Variants in PLEKHO2 observed in about 807,000 individuals in gnomAD.
PLEKHO2 encodes pleckstrin homology domain containing O2.
PLEKHO2 carries 20 observed loss-of-function variants against 32.7 expected under a neutral mutation model. The observed-to-expected ratio is 0.61, with a 90% CI of 0.43 to 0.89. The LOEUF is 0.89. Among genes scored for constraint, PLEKHO2 ranks in the 40% least tolerant of loss-of-function variants. PLEKHO2 has a pLI of 0.00. For synonymous variants in PLEKHO2, 247 were observed against 246.3 expected (o/e 1.00, Z -0.03); for missense variants, 568 against 621.2 (o/e 0.91, Z 0.91).
chr15:64,849,553 C>T (rs1460786145), intron 2 of PLEKHO2, among the ~76,000 whole-genome samples: 2 of 151,878 alleles, frequency 1.3e-5, no homozygotes, highest in Non-Finnish European at 1.5e-5. Flanking sequence ...AAACAATTCT[C>T]CTGCCTCAGC....
chr15:64,855,198 C>T (rs1457707334), intron 3 of PLEKHO2, among the ~76,000 whole-genome samples, 161 bp downstream of exon 3: 1 of 152,168 alleles, frequency 6.6e-6, no homozygotes, highest in African/African-American at 2.4e-5. Flanking sequence ...GACCTTTGCT[C>T]ATTTTGTCTC....
At chr15:64,852,070 G>A (rs2084573644) in intron 2 of PLEKHO2, among the ~76,000 whole-genome samples, 1 of 152,138 alleles carries the variant, frequency 6.6e-6, no homozygotes, top group Non-Finnish European at 1.5e-5. Context: ...CACAGAGAAT[G>A]GGGTAGAGAA....
chr15:64,850,710 C>G (rs1046103470), intron 2 of PLEKHO2, among the ~76,000 whole-genome samples: 2 of 152,212 alleles, frequency 1.3e-5, no homozygotes, highest in Admixed American at 6.5e-5. Flanking sequence ...GCTTGTTCCC[C>G]TTCTGATTTC....
At chr15:64,853,862 C>T (rs941299392) in intron 2 of PLEKHO2, among the ~76,000 whole-genome samples, 1 of 152,208 alleles carries the variant, frequency 6.6e-6, no homozygotes, top group Non-Finnish European at 1.5e-5. Flanking sequence ...GGGCTGCAGG[C>T]TTTCAGGGTT....
intron 2 of PLEKHO2, among the ~76,000 whole-genome samples, chr15:64,849,589 G>A (rs979039734): frequency 3.3e-5 from 5 of 151,306 alleles, no homozygotes; most frequent in Non-Finnish European, 5.9e-5. Flanking sequence ...GATCACATGC[G>A]TCAGCTACCA....
Position 64,865,041 on chromosome 15 carries a change from C to T in PLEKHO2, c.626C>T (p.Pro209Leu). ...CGGCCCCTCATGCCTCCTACCAAGC[C>T]TTTCCTAGCACCTGAGACCACCAGC... ...TPRPLMPPTK[P>L]FLAPETTSPG... Residue 209 changes from proline to leucine, a missense_variant, in exon 6 of 6, where the codon CCT (proline) becomes CTT (leucine). Transcript: ENST00000323544. 6.2e-7 allele frequency: 1 copy of T among 1,614,132 alleles called. No homozygotes were observed. The highest frequency in any genetic ancestry group is 2.2e-5 in the East Asian group (1 of 44,868).
intron 3 of PLEKHO2, among the ~76,000 whole-genome samples, chr15:64,856,318 G>T (rs749099605): frequency 2.6e-5 from 4 of 152,114 alleles, no homozygotes; most frequent in Non-Finnish European, 1.5e-5. Flanking sequence ...CCACCTGTGT[G>T]TCTGGCCCTT....
intron 2 of PLEKHO2, among the ~76,000 whole-genome samples, chr15:64,852,167 T>C (rs145797304): frequency 6.6e-4 from 101 of 152,000 alleles, no homozygotes; most frequent in African/African-American, 2.4e-3. Context: ...ATCTTGCAGG[T>C]GTTTTGTAGA....
In PLEKHO2 at chr15:64,864,925, T is replaced by G; in HGVS notation, c.510T>G (p.Leu170=). Residue 170 remains leucine (L), a synonymous_variant, in exon 6 of 6, where the codon CTT becomes CTG. Transcript: ENST00000323544. ...KEVASAASDG[L]LRLDLDVPDS... ...TGGCCAGTGCAGCTTCTGACGGTCTTCTGCGCCTGGATCTTGATGTTCCGG... is the reference window on the plus strand; with the variant it reads ...TGGCCAGTGCAGCTTCTGACGGTCTGCTGCGCCTGGATCTTGATGTTCCGG... The G allele has an allele frequency of 6.2e-7, 1 of 1,612,028 alleles. No homozygotes were observed. Among genetic ancestry groups the G allele is most frequent in the Non-Finnish European group, 8.5e-7 (1 of 1,178,560 alleles).
rs2084669144 is a variant in PLEKHO2 at position 64,864,802 on chromosome 15, A to T, written c.484-97A>T. 5 of 1,389,002 alleles carry T rather than the reference A, an allele frequency of 3.6e-6. No individual in the cohort carries two copies. The South Asian group carries it at 7.2e-5, about 20-fold the overall frequency. 86.0% of individuals were successfully genotyped at this position (1,389,002 alleles called of 1,614,324 possible). On this transcript the variant is annotated intron_variant, in intron 5 of 5. Transcript: ENST00000323544. ...GGCTGGGGAGCTGGGGGCCTGGACAACCTGGATGGGAGAGGGTAAGAACTC... is the reference window on the plus strand; with the variant it reads ...GGCTGGGGAGCTGGGGGCCTGGACATCCTGGATGGGAGAGGGTAAGAACTC...
chr15:64,842,075 C>T (rs2084488034), intron 1 of PLEKHO2, 47 bp downstream of exon 1: 2 of 1,230,716 alleles, frequency 1.6e-6, no homozygotes, highest in South Asian at 4.0e-5. Context: ...CCTCGAGCCC[C>T]TCACGGGGAT....
Position 64,859,927 on chromosome 15 carries a change from G to C in PLEKHO2, c.313G>C (p.Glu105Gln). ...SDIKFQAPTG[E>Q]EKESWIKALN... is the part of the protein sequence containing the mutation. ...CATCAAATTCCAGGCACCCACCGGG[G>C]AGGAGAAGGAATCCTGGATCAAAGC... The change falls in exon 4 of 6, where the codon GAG becomes CAG. Residue 105 changes from glutamate to glutamine, a missense_variant. Physicochemically the swap from Glu to Gln is conservative, Grantham distance 29 (BLOSUM62 2). Transcript: ENST00000323544. 2 of 1,614,218 alleles carry C rather than the reference G, an allele frequency of 1.2e-6. No individual in the cohort carries two copies. Among genetic ancestry groups the C allele is most frequent in the African/African-American group, 1.3e-5 (1 of 75,054 alleles).
chr15:64,853,522 C>A (rs942877426), intron 2 of PLEKHO2, among the ~76,000 whole-genome samples: 1 of 151,998 alleles, frequency 6.6e-6, no homozygotes, highest in African/African-American at 2.4e-5. Flanking sequence ...TCTCGATCTC[C>A]TGAACTCGTG....
In PLEKHO2 at chr15:64,865,904, A is replaced by G. The variant is rs748487170; in HGVS notation, c.*16A>G. On this transcript the variant is annotated 3_prime_UTR_variant, in exon 6 of 6. Transcript: ENST00000323544. ...TGCACCCTAGGGCCTTCTGGGCCAG[A>G]GGCACCATCCCTTCTGGCCATCCAT... 1 of 1,588,598 alleles carries G rather than the reference A, an allele frequency of 6.3e-7. No homozygotes were observed. The highest frequency in any genetic ancestry group is 8.5e-7 in the Non-Finnish European group (1 of 1,171,202).
intron 2 of PLEKHO2, among the ~76,000 whole-genome samples, chr15:64,854,510 C>G (rs187299584): frequency 1.3e-5 from 2 of 152,182 alleles, no homozygotes; most frequent in Non-Finnish European, 1.5e-5. Flanking sequence ...CGTTGTCCCC[C>G]GTCCCCATCC....
chr15:64,845,214 CTTTTTTTTT>C (rs771584682), intron 1 of PLEKHO2, among the ~76,000 whole-genome samples: 3 of 121,288 alleles, frequency 2.5e-5, no homozygotes, highest in African/African-American at 9.4e-5. Context: ...GACCTGGCTT[CTTTTTTTTT>C]TTTTTTTTTT....
intron 5 of PLEKHO2, among the ~76,000 whole-genome samples, chr15:64,862,038 GGT>G (rs1228252163): frequency 6.6e-6 from 1 of 152,176 alleles, no homozygotes; most frequent in African/African-American, 2.4e-5. Flanking sequence ...GGGTTCACTT[GGT>G]GGACTTGGAG....
At chr15:64,855,983 T>C (rs1270567811) in intron 3 of PLEKHO2, among the ~76,000 whole-genome samples, 2 of 151,990 alleles carry the variant, frequency 1.3e-5, no homozygotes, top group East Asian at 1.9e-4. Context: ...TTTGTCCTAC[T>C]GTGCAGGGGG....
chr15:64,860,960 C>G (rs570341243), intron 4 of PLEKHO2, among the ~76,000 whole-genome samples: 2 of 152,370 alleles, frequency 1.3e-5, no homozygotes, highest in Admixed American at 1.3e-4. Flanking sequence ...TCCCATGTGA[C>G]TCTTACTCTG....
Sources: gnomAD v4.1 joint callset for allele counts (sites outside exome capture counted in the v4.1 genomes callset) on GRCh38, gnomAD v4.1.1 for gene constraint, MANE v1.5 for transcripts, NCBI Gene and HGNC (gene_info 2026-07-23, HGNC 2026-07-21) for gene names.